The following P4HA3 variants were observed in gnomAD, a reference collection of about 807,000 sequenced individuals.
P4HA3 encodes prolyl 4-hydroxylase subunit alpha-3.
P4HA3 carries 60 observed loss-of-function variants against 66.7 expected under a neutral mutation model. That is an observed-to-expected ratio of 0.90 (90% confidence interval 0.73 to 1.12). The LOEUF (loss-of-function observed/expected upper bound fraction) is 1.12. Ranked by LOEUF, P4HA3 falls within the 50% of genes most tolerant of loss-of-function variation. The pLI, the probability that P4HA3 is intolerant of heterozygous loss-of-function variation, is 0.00. For synonymous variants in P4HA3, 263 were observed against 274.6 expected (o/e 0.96, Z 0.42); for missense variants, 683 against 685.8 (o/e 1.00, Z 0.05).
intron 7 of P4HA3, among the ~76,000 whole-genome samples, chr11:74,280,400 T>A (rs1860552038): frequency 6.6e-6 from 1 of 152,132 alleles, no homozygotes; most frequent in South Asian, 2.1e-4. Flanking sequence ...TCTCAAGGGA[T>A]CCTCCCACCT....
At position 74,266,812 on chromosome 11, in the gene P4HA3, G is replaced by C; in HGVS notation, c.*436C>G. On this transcript the variant is annotated 3_prime_UTR_variant, in exon 13 of 13. Coordinates refer to ENST00000331597, the MANE Select transcript of P4HA3 (RefSeq NM_182904.5). ...ACTCCCTGCTTGGGCTGCAGCAGAA[G>C]GCAGTGGGGAGAAAGTCTTAAAGTT... is the stretch of plus-strand genomic sequence containing the variant. 1 of 526,086 alleles carries C rather than the reference G, an allele frequency of 1.9e-6. No individual in the cohort carries two copies. The highest frequency in any genetic ancestry group is 2.7e-5 in the South Asian group (1 of 36,416). 32.6% of individuals were successfully genotyped at this position (526,086 alleles called of 1,614,324 possible).
intron 3 of P4HA3, among the ~76,000 whole-genome samples, chr11:74,300,522 G>A (rs1170521615): frequency 1.3e-5 from 2 of 152,154 alleles, no homozygotes; most frequent in Non-Finnish European, 2.9e-5. Flanking sequence ...GGGAGGCTGA[G>A]GTGGGAGGAT....
intron 15 of P4HA3, chr11:74,259,701 T>A (rs1480360844): frequency 6.6e-6 from 1 of 152,270 alleles, no homozygotes; most frequent in East Asian, 1.9e-4. Flanking sequence ...TGTGTCTGGC[T>A]TATTTCATTT....
rs200484613 is a variant in P4HA3, at chr11:74,269,639, G to A, written c.1467+13C>T. 9 of 1,610,508 alleles carry A rather than the reference G, an allele frequency of 5.6e-6. No individual in the cohort carries two copies. The highest frequency in any genetic ancestry group is 2.5e-6 in the Non-Finnish European group (3 of 1,177,908). On this transcript the variant is annotated intron_variant, in intron 11 of 12. Transcript: ENST00000331597. ...CCCTCAACCCCGTCTTCTGGGACCA[G>A]GGCCCCACTCACCCTAACCACAGGC...
chr11:74,250,705 C>T (rs963107650), intron 15 of P4HA3: 10 of 462,172 alleles, frequency 2.2e-5, no homozygotes, highest in Non-Finnish European at 3.9e-5. Flanking sequence ...ACTGTTTCTT[C>T]TATGTGTCTC....
At chr11:74,291,968 T>A (rs1421104355) in intron 4 of P4HA3, among the ~76,000 whole-genome samples, 2 of 152,166 alleles carry the variant, frequency 1.3e-5, no homozygotes, top group South Asian at 2.1e-4. Context: ...ATAAAATGAG[T>A]TAGGGAGGAT....
intron 14 of P4HA3, among the ~76,000 whole-genome samples, chr11:74,260,700 T>C (rs567919528): frequency 6.6e-6 from 1 of 152,258 alleles, no homozygotes; most frequent in African/African-American, 2.4e-5. Context: ...CAAAAGTAAT[T>C]GTGTTTTTTT....
chr11:74,281,780 C>T (rs936770758), intron 7 of P4HA3, among the ~76,000 whole-genome samples: 40 of 151,488 alleles, frequency 2.6e-4, no homozygotes, highest in Admixed American at 1.3e-3. Context: ...TGCTAGATGA[C>T]GAGTTAGTGG....
intron 1 of P4HA3, among the ~76,000 whole-genome samples, chr11:74,309,015 C>T (rs1861650577): frequency 6.6e-6 from 1 of 152,160 alleles, no homozygotes; most frequent in Non-Finnish European, 1.5e-5. Context: ...TGTTAACCAC[C>T]ATGTACTGTG....
At chr11:74,311,214 C>G (rs1279670050) in intron 1 of P4HA3, 198 bp downstream of exon 1, 10 of 626,632 alleles carry the variant, frequency 1.6e-5, no homozygotes, top group Non-Finnish European at 2.0e-5. Flanking sequence ...GACAATGGGT[C>G]TAGGGGGTCA....
rs190103545 is a variant in P4HA3, at chr11:74,279,265, A to G, written c.1175+123T>C. 1.4e-3 allele frequency: 1,249 copies of G among 885,978 alleles called. 11 individuals are homozygous for G. Among genetic ancestry groups the G allele is most frequent in the Non-Finnish European group, 1.0e-3 (548 of 529,540 alleles). 54.9% of individuals were successfully genotyped at this position (885,978 alleles called of 1,614,324 possible). A position where few individuals can be genotyped will look rare whatever the true frequency, so the allele number is the denominator to read the frequency against. ...ACCCTCTTAAAAAGAATGTACAGCTATAAACGTGAACTAGGGATTCTCCAC... is the reference window on the plus strand; with the variant it reads ...ACCCTCTTAAAAAGAATGTACAGCTGTAAACGTGAACTAGGGATTCTCCAC... On this transcript the variant is annotated intron_variant, in intron 8 of 12. Transcript: ENST00000331597.
intron 4 of P4HA3, among the ~76,000 whole-genome samples, chr11:74,296,105 C>T (rs1861203858): frequency 6.6e-6 from 1 of 152,204 alleles, no homozygotes; most frequent in Non-Finnish European, 1.5e-5. Context: ...TAAGAACTGA[C>T]ATTTATCCAG....
intron 15 of P4HA3, chr11:74,252,513 C>T: frequency 2.2e-6 from 1 of 456,334 alleles, no homozygotes. Flanking sequence ...CCGAAGCTGG[C>T]AGAATATTAG....
intron 3 of P4HA3, among the ~76,000 whole-genome samples, chr11:74,300,379 C>A (rs1188265003): frequency 6.6e-6 from 1 of 152,090 alleles, no homozygotes; most frequent in Non-Finnish European, 1.5e-5. Flanking sequence ...GCCTGTAATC[C>A]CAGCACTTTG....
chr11:74,253,760 G>T, intron 15 of P4HA3: 1 of 582,952 alleles, frequency 1.7e-6, no homozygotes, highest in Non-Finnish European at 3.0e-6. Flanking sequence ...CTGTACTGGG[G>T]TAGCTCCTGC....
intron 1 of P4HA3, 136 bp from the exon 2 acceptor site, chr11:74,304,548 C>A: frequency 9.5e-7 from 1 of 1,049,740 alleles, no homozygotes; most frequent in South Asian, 1.6e-5. Context: ...ATAGTCCAAC[C>A]AAAAAGCCAT....
Position 74,273,593 on chromosome 11 carries a change from G to A in P4HA3, c.1350C>T (p.Pro450=), listed in dbSNP as rs773163486. ...GGTTTCCTGACTTCATTCTGTAGAG[G>A]GGGCTGCTTGGTGACTGAGAAAAAA... ...HFDHATSPSS[P]LYRMKSGNRV... is the part of the protein sequence containing the mutation. Residue 450 remains proline, a synonymous_variant, in exon 10 of 13, where the codon CCC becomes CCT. Transcript: ENST00000331597. 1.9e-6 allele frequency: 3 copies of A among 1,563,376 alleles called. No individual in the cohort carries two copies. Among genetic ancestry groups the A allele is most frequent in the Non-Finnish European group, 1.7e-6 (2 of 1,159,932 alleles).
intron 4 of P4HA3, among the ~76,000 whole-genome samples, chr11:74,296,852 G>A (rs927361453): frequency 4.6e-5 from 7 of 151,082 alleles, no homozygotes; most frequent in African/African-American, 1.7e-4. Flanking sequence ...CTACATCACA[G>A]TTACTCTGTT....
At chr11:74,261,908 T>C (rs1166650113), downstream of P4HA3, among the ~76,000 whole-genome samples, 5 of 152,226 alleles carry the variant, frequency 3.3e-5, no homozygotes, top group Non-Finnish European at 5.9e-5. Context: ...CATGGGTCTC[T>C]GAGCCAGGAA....
Sources: allele counts gnomAD v4.1 joint callset (sites outside exome capture counted in the v4.1 genomes callset), GRCh38; gene constraint gnomAD v4.1.1; transcripts MANE v1.5; gene names NCBI Gene and HGNC (gene_info 2026-07-23, HGNC 2026-07-21).